Variants in CPT1A observed in about 807,000 individuals in gnomAD.
The protein encoded by CPT1A is carnitine O-palmitoyltransferase 1, liver isoform.
CPT1A carries 64 observed loss-of-function variants against 100.8 expected under a neutral mutation model. That is an observed-to-expected ratio of 0.63 (90% CI 0.52 to 0.78). The LOEUF (loss-of-function observed/expected upper bound fraction) is 0.78, where lower values mean the gene tolerates loss of function less well. Ranked by LOEUF, CPT1A falls within the 30% of genes least tolerant of loss-of-function variation. CPT1A has a pLI of 0.00. For synonymous variants in CPT1A, 363 were observed against 396.0 expected (o/e 0.92, Z 0.99); for missense variants, 802 against 1,034.1 (o/e 0.78, Z 3.08).
At chr11:68,830,617 G>C (rs938481484) in intron 1 of CPT1A, among the ~76,000 whole-genome samples, 1 of 152,182 alleles carries the variant, frequency 6.6e-6, no homozygotes, top group African/African-American at 2.4e-5. Context: ...CTATTCCATG[G>C]TTGTTCCTAC....
At chr11:68,820,058 C>A (rs1285573753) in intron 1 of CPT1A, among the ~76,000 whole-genome samples, 2 of 151,848 alleles carry the variant, frequency 1.3e-5, no homozygotes, top group Non-Finnish European at 2.9e-5. Context: ...GAGACAGGGT[C>A]TCGCTGTATT....
At position 68,804,117 on chromosome 11, in the gene CPT1A, T is replaced by G. The variant is rs184967344; in HGVS notation, c.454-16A>C. 58 of 1,595,806 alleles carry G rather than the reference T, an allele frequency of 3.6e-5. No individual in the cohort carries two copies. In the East Asian group the frequency reaches 1.1e-3, roughly 30 times the overall value. On this transcript the variant is annotated splice_polypyrimidine_tract_variant and intron_variant, in intron 4 of 18. Transcript: ENST00000265641. ...TGACCATACCCTGAAGAGAGAGAAT[T>G]ATATTTTCAGACTACTGCCATACTA...
At chr11:68,766,554 C>T (rs1854807757) in intron 14 of CPT1A, among the ~76,000 whole-genome samples, 1 of 152,016 alleles carries the variant, frequency 6.6e-6, no homozygotes, top group South Asian at 2.1e-4. Flanking sequence ...GGTGCGATCT[C>T]AGCTCACTAT....
At chr11:68,775,237 G>A in intron 13 of CPT1A, 79 bp downstream of exon 13, 1 of 1,223,614 alleles carries the variant, frequency 8.2e-7, no homozygotes, top group Non-Finnish European at 1.2e-6. Context: ...AGGAACTACG[G>A]TTGGAAAATT....
intron 2 of CPT1A, 50 bp downstream of exon 2, chr11:68,815,284 C>T: frequency 6.3e-7 from 1 of 1,593,828 alleles, no homozygotes; most frequent in Non-Finnish European, 8.6e-7. Context: ...GAGCCCCGTT[C>T]TTAGATATTA....
chr11:68,775,915 C>A (rs1200819370), intron 12 of CPT1A, among the ~76,000 whole-genome samples: 1 of 152,166 alleles, frequency 6.6e-6, no homozygotes, highest in Admixed American at 6.5e-5. Context: ...CACACAAAAA[C>A]TTGTACAGAA....
At chr11:68,817,570 A>G (rs910538022) in intron 1 of CPT1A, among the ~76,000 whole-genome samples, 2 of 152,058 alleles carry the variant, frequency 1.3e-5, no homozygotes, top group African/African-American at 4.8e-5. Context: ...GGAAGCCAGG[A>G]GAAGGAGCAA....
chr11:68,797,012 G>A (rs549361969), intron 6 of CPT1A, 79 bp from the exon 7 acceptor site: 25 of 1,405,394 alleles, frequency 1.8e-5, no homozygotes, highest in African/African-American at 1.6e-4. Context: ...CCAGAGCCGC[G>A]GGGAAGGGCA....
intron 16 of CPT1A, 145 bp from the exon 17 acceptor site, chr11:68,760,483 T>G: frequency 4.7e-6 from 3 of 639,990 alleles, no homozygotes; most frequent in African/African-American, 1.9e-5. Flanking sequence ...CTCACTGGCT[T>G]GGGCAGCGTA....
At chr11:68,771,700 TC>T (rs1324334933) in intron 14 of CPT1A, among the ~76,000 whole-genome samples, 1 of 152,222 alleles carries the variant, frequency 6.6e-6, no homozygotes, top group Non-Finnish European at 1.5e-5. Context: ...GCCCATTCAT[TC>T]CAGTTCATCT....
intron 1 of CPT1A, among the ~76,000 whole-genome samples, chr11:68,838,580 A>AAAAAAAAAAAAAAAAAAAAAC (rs1857076726): frequency 6.9e-6 from 1 of 145,036 alleles, no homozygotes; most frequent in African/African-American, 2.5e-5. Context: ...TTTAAAAAAA[A>AAAAAAAAAAAAAAAAAAAAAC]AAAAAAAAAA....
At chr11:68,759,418 A>T (rs1035494879) in intron 18 of CPT1A, 151 bp downstream of exon 18, 22 of 630,560 alleles carry the variant, frequency 3.5e-5, no homozygotes, top group Non-Finnish European at 5.6e-5. Context: ...ATTTTTTTTT[A>T]AAAGCAGTCC....
In CPT1A at chr11:68,757,785, T is replaced by G. The variant is rs541793739; in HGVS notation, c.2236-55A>C. 2.3e-5 allele frequency: 33 copies of G among 1,419,116 alleles called. No individual in the cohort carries two copies. The African/African-American group carries it at 3.5e-4, about 15-fold the overall frequency. 87.9% of individuals were successfully genotyped at this position (1,419,116 alleles called of 1,614,324 possible). Reference sequence around the variant, plus strand: ...TATTAAAACGTGGCCATCCCCACATTTCAAGCTTTTTCATTTGCAATCTGA... The same window carrying G: ...TATTAAAACGTGGCCATCCCCACATGTCAAGCTTTTTCATTTGCAATCTGA... On this transcript the variant is annotated intron_variant, in intron 18 of 18. Coordinates refer to ENST00000265641, the MANE Select transcript of CPT1A (RefSeq NM_001876.4).
At chr11:68,809,999 G>A (rs1043502249) in intron 3 of CPT1A, among the ~76,000 whole-genome samples, 4 of 152,152 alleles carry the variant, frequency 2.6e-5, no homozygotes, top group Non-Finnish European at 5.9e-5. Flanking sequence ...CCAACACGGC[G>A]AAACCCCATC....
chr11:68,837,825 C>G (rs1431021147), intron 1 of CPT1A, among the ~76,000 whole-genome samples: 1 of 151,184 alleles, frequency 6.6e-6, no homozygotes. Context: ...GACCTTGTCA[C>G]TAAAGAAAAA....
At chr11:68,758,737 G>C (rs537962315) in intron 18 of CPT1A, among the ~76,000 whole-genome samples, 1 of 150,790 alleles carries the variant, frequency 6.6e-6, no homozygotes, top group South Asian at 2.1e-4. Flanking sequence ...TCCTACCTCA[G>C]CCTCCTGAGT....
chr11:68,799,566 T>C (rs1009952329), intron 5 of CPT1A, among the ~76,000 whole-genome samples: 2 of 151,878 alleles, frequency 1.3e-5, no homozygotes, highest in African/African-American at 4.8e-5. Context: ...CTAAACAACA[T>C]GGTGAAACCC....
chr11:68,844,090 G>C (rs1403255580), upstream of CPT1A: 1 of 152,312 alleles, frequency 6.6e-6, no homozygotes, highest in Non-Finnish European at 1.5e-5. Flanking sequence ...CCTGCAGGCC[G>C]GGCGGGGCAG....
At chr11:68,792,825 G>T (rs1855654770) in intron 9 of CPT1A, among the ~76,000 whole-genome samples, 1 of 152,206 alleles carries the variant, frequency 6.6e-6, no homozygotes, top group Non-Finnish European at 1.5e-5. Context: ...GAAGCGGGCG[G>T]ATCACTTGAG....
Sources: gnomAD v4.1 joint callset for allele counts (sites outside exome capture counted in the v4.1 genomes callset) on GRCh38, gnomAD v4.1.1 for gene constraint, MANE v1.5 for transcripts, NCBI Gene and HGNC (gene_info 2026-07-23, HGNC 2026-07-21) for gene names.